The following DIP2A variants were observed in gnomAD, a reference collection of about 807,000 sequenced individuals.
DIP2A encodes disco-interacting protein 2 homolog A.
In DIP2A, 85 loss-of-function variants were observed where a neutral mutation model predicts 177.4. The observed-to-expected ratio is 0.48, with a 90% CI of 0.40 to 0.57. The LOEUF (loss-of-function observed/expected upper bound fraction) is 0.57, where lower values mean the gene tolerates loss of function less well. Among genes scored for constraint, DIP2A ranks in the 20% least tolerant of loss-of-function variants. DIP2A has a pLI of 0.00. For synonymous variants in DIP2A, 886 were observed against 881.8 expected (o/e 1.00, Z -0.08); for missense variants, 1,791 against 2,100.2 (o/e 0.85, Z 2.88).
intron 7 of DIP2A, among the ~76,000 whole-genome samples, chr21:46,510,627 CTTT>C (rs3060304): frequency 1.4e-3 from 153 of 105,626 alleles, no homozygotes; most frequent in Middle Eastern, 4.7e-3. Flanking sequence ...ATCAAATAAT[CTTT>C]TTTTTTTTTT....
rs556398608 is a variant in DIP2A, at chr21:46,503,151, C to T, written c.656-1210C>T. Reference sequence around the variant, plus strand: ...CAGCTTGGCCAATATGGTGAAAACCCGTCTCTACTAAAAATACAAAAATTG... The same window carrying T: ...CAGCTTGGCCAATATGGTGAAAACCTGTCTCTACTAAAAATACAAAAATTG... On this transcript the variant is annotated intron_variant, in intron 5 of 37. Transcript: ENST00000417564. Among the ~76,000 whole-genome samples, 17 of 152,024 alleles carry T rather than the reference C, an allele frequency of 1.1e-4. 1 individual carries two copies. In the South Asian group the frequency reaches 3.3e-3, roughly 30 times the overall value.
intron 33 of DIP2A, chr21:46,561,426 A>G (rs986706953): frequency 2.5e-6 from 1 of 397,604 alleles, no homozygotes; most frequent in African/African-American, 2.1e-5. Flanking sequence ...GTATGGCCAC[A>G]CTGTAGCTTG....
At chr21:46,572,280 G>A (rs528726753), downstream of DIP2A, among the ~76,000 whole-genome samples, 1 of 152,176 alleles carries the variant, frequency 6.6e-6, no homozygotes, top group African/African-American at 2.4e-5. Context: ...GTAAGCTAAG[G>A]TTAATTTATT....
At chr21:46,476,586 G>A (rs2055867357) in intron 1 of DIP2A, among the ~76,000 whole-genome samples, 1 of 151,982 alleles carries the variant, frequency 6.6e-6, no homozygotes, top group Admixed American at 6.6e-5. Context: ...TATAGAGGAA[G>A]CAGATCTAGG....
At chr21:46,528,540 T>C (rs2059213178) in intron 8 of DIP2A, among the ~76,000 whole-genome samples, 3 of 69,930 alleles carry the variant, frequency 4.3e-5, no homozygotes, top group Admixed American at 1.6e-4. Flanking sequence ...TTTTTTTTTT[T>C]TTTTTTTTTT....
intron 18 of DIP2A, among the ~76,000 whole-genome samples, chr21:46,543,176 A>G (rs528649963): frequency 2.6e-5 from 4 of 151,654 alleles, no homozygotes; most frequent in Admixed American, 2.0e-4. Flanking sequence ...CTCCTGAGAA[A>G]TAGAACAGTC....
At chr21:46,501,186 A>C (rs1001564295) in intron 5 of DIP2A, among the ~76,000 whole-genome samples, 1 of 152,230 alleles carries the variant, frequency 6.6e-6, no homozygotes, top group Non-Finnish European at 1.5e-5. Context: ...ACATGAAAAG[A>C]GGAAGAATAT....
At chr21:46,513,437 C>T (rs1223624868) in intron 8 of DIP2A, among the ~76,000 whole-genome samples, 3 of 152,060 alleles carry the variant, frequency 2.0e-5, no homozygotes, top group Non-Finnish European at 4.4e-5. Flanking sequence ...TTTCTGGGCT[C>T]CTGTTGGCGG....
Position 46,537,378 on chromosome 21 carries a change from C to G in DIP2A, c.1708-68C>G. ...CTGAAATGTTGTTGGGAGAGTACAT[C>G]GGTTTTGTTTTGCTTTTTCTGGTGT... On this transcript the variant is annotated intron_variant, in intron 14 of 37. Coordinates refer to ENST00000417564, the MANE Select transcript of DIP2A (RefSeq NM_015151.4). The surrounding 1 kb of genome is among the most constrained non-coding windows in gnomAD (Gnocchi z 4.1). The G allele has an allele frequency of 6.2e-7, 1 of 1,608,678 alleles. No homozygotes were observed. Among genetic ancestry groups the G allele is most frequent in the South Asian group, 1.1e-5 (1 of 91,006 alleles).
chr21:46,554,374 C>G, intron 26 of DIP2A, 82 bp downstream of exon 26: 1 of 1,572,440 alleles, frequency 6.4e-7, no homozygotes, highest in South Asian at 1.2e-5. Context: ...CACTCCCTCC[C>G]CGAAGCATCT....
At chr21:46,500,563 G>C (rs917997200) in intron 5 of DIP2A, among the ~76,000 whole-genome samples, 3 of 152,206 alleles carry the variant, frequency 2.0e-5, no homozygotes, top group African/African-American at 4.8e-5. Flanking sequence ...TCTTCTCCCA[G>C]AAGCTCCTTT....
Position 46,459,886 on chromosome 21 carries a change from G to C in DIP2A, c.91+664G>C, listed in dbSNP as rs144665115. On this transcript the variant is annotated intron_variant, in intron 1 of 37. Coordinates refer to ENST00000417564, the MANE Select transcript of DIP2A (RefSeq NM_015151.4). Reference sequence around the variant, plus strand: ...TCGTTTGGACAGGTGTGAGAATCTTGAGAGGAATGACCACTTTTGCCCCAA... The same window carrying C: ...TCGTTTGGACAGGTGTGAGAATCTTCAGAGGAATGACCACTTTTGCCCCAA... 1.1e-3 allele frequency among the ~76,000 whole-genome samples: 174 copies of C among 152,128 alleles called. 1 individual carries two copies. The highest frequency in any genetic ancestry group is 2.4e-3 in the Admixed American group (36 of 15,288).
chr21:46,481,773 A>G (rs2056356980), intron 1 of DIP2A, among the ~76,000 whole-genome samples: 1 of 152,214 alleles, frequency 6.6e-6, no homozygotes, highest in African/African-American at 2.4e-5. Flanking sequence ...CAGTGGGGCC[A>G]GGTGCAGTGG....
chr21:46,525,034 C>T (rs1032293483), intron 8 of DIP2A, among the ~76,000 whole-genome samples: 1 of 151,694 alleles, frequency 6.6e-6, no homozygotes, highest in Non-Finnish European at 1.5e-5. Context: ...TACAGGTGTG[C>T]ACCACCAGGC....
At chr21:46,525,520 C>A (rs1450823293) in intron 8 of DIP2A, 1 of 152,162 alleles carries the variant, frequency 6.6e-6, no homozygotes, top group Non-Finnish European at 1.5e-5. Context: ...TATCTTTGTG[C>A]CTATACCACA....
At position 46,555,603 on chromosome 21, in the gene DIP2A, C is replaced by T. The variant is rs1026022188; in HGVS notation, c.3389-379C>T. 4.1e-5 allele frequency: 10 copies of T among 241,148 alleles called. No homozygotes were observed. The South Asian group carries it at 4.3e-4, about 10-fold the overall frequency. 14.9% of individuals were successfully genotyped at this position (241,148 alleles called of 1,614,324 possible). On this transcript the variant is annotated intron_variant, in intron 28 of 37. Transcript: ENST00000417564. ...GATGAAGCACGCAGAACCCAGAGCC[C>T]GTCCACAGCTATTCTTGCTGTGGTC... is the stretch of plus-strand genomic sequence containing the variant.
chr21:46,498,085 G>A lies in DIP2A; in HGVS notation c.404-497G>A, dbSNP rs190686158. 2.6e-5 allele frequency among the ~76,000 whole-genome samples: 4 copies of A among 152,270 alleles called. No individual in the cohort carries two copies. The highest frequency in any genetic ancestry group is 4.8e-5 in the African/African-American group (2 of 41,550). ...CCCCTGAAAGGATGCATGTAGACAGGGCTGCGGTTCTCCCATGGCCACCAT... is the reference window on the plus strand; with the variant it reads ...CCCCTGAAAGGATGCATGTAGACAGAGCTGCGGTTCTCCCATGGCCACCAT... On this transcript the variant is annotated intron_variant, in intron 4 of 37. Coordinates refer to ENST00000417564, the MANE Select transcript of DIP2A (RefSeq NM_015151.4). The surrounding 1 kb of genome is among the most constrained non-coding windows in gnomAD (Gnocchi z 4.3).
At chr21:46,488,342 G>A (rs141118394) in intron 2 of DIP2A, among the ~76,000 whole-genome samples, 4 of 152,092 alleles carry the variant, frequency 2.6e-5, no homozygotes, top group African/African-American at 9.7e-5. Flanking sequence ...GTCTTCATAG[G>A]CAAGATAGGA....
At chr21:46,524,525 C>T (rs1440114250) in intron 8 of DIP2A, among the ~76,000 whole-genome samples, 2 of 152,110 alleles carry the variant, frequency 1.3e-5, no homozygotes, top group South Asian at 2.1e-4. Flanking sequence ...TGGAATTCAC[C>T]GGGAAGATGT....
Sources: gnomAD v4.1 joint callset for allele counts (sites outside exome capture counted in the v4.1 genomes callset) on GRCh38, gnomAD v4.1.1 for gene constraint, Gnocchi (gnomAD v3.1) non-coding constraint, MANE v1.5 for transcripts, NCBI Gene and HGNC (gene_info 2026-07-23, HGNC 2026-07-21) for gene names.